The following MYO3A variants were observed in gnomAD, a reference collection of about 807,000 sequenced individuals.
MYO3A encodes myosin-IIIa.
A neutral mutation model predicts 192.7 loss-of-function variants in MYO3A; 180 were observed. The ratio of observed to expected loss-of-function variants is 0.93; its 90% confidence interval spans 0.83 to 1.06. MYO3A has a LOEUF of 1.06. Ranked by LOEUF, MYO3A falls within the 50% of genes least tolerant of loss-of-function variation. The pLI, the probability that MYO3A is intolerant of heterozygous loss-of-function variation, is 0.00. For missense variants in MYO3A, 1,896 were observed against 1,905.0 expected, an observed-to-expected ratio of 1.00 and a Z score of 0.09; for synonymous variants, 628 against 645.3, an observed-to-expected ratio of 0.97 and a Z score of 0.41.
chr10:26,154,506 A>C lies in MYO3A; in HGVS notation c.2716-240A>C, dbSNP rs558853719. Among the ~76,000 whole-genome samples the C allele has an allele frequency of 4.5e-4, 69 of 152,276 alleles. No individual in the cohort carries two copies. The South Asian group carries it at 4.6e-3, about 10-fold the overall frequency. On this transcript the variant is annotated intron_variant, in intron 24 of 34. Coordinates refer to ENST00000642920, the MANE Select transcript of MYO3A (RefSeq NM_017433.5). ...TTTTTTAGCTAGTTTTAAATGTTACACTAAGACCAACTAAAAATGTACTAG... is the reference window on the plus strand; with the variant it reads ...TTTTTTAGCTAGTTTTAAATGTTACCCTAAGACCAACTAAAAATGTACTAG...
intron 10 of MYO3A, among the ~76,000 whole-genome samples, chr10:26,050,032 G>A (rs1018232516): frequency 6.6e-6 from 1 of 151,834 alleles, no homozygotes; most frequent in African/African-American, 2.4e-5. Context: ...GTCATCAGTT[G>A]AGAGTTCTGG....
chr10:25,984,498 C>G (rs2085407675), intron 4 of MYO3A, among the ~76,000 whole-genome samples: 1 of 152,222 alleles, frequency 6.6e-6, no homozygotes, highest in African/African-American at 2.4e-5. Context: ...CCTCCTCCAG[C>G]CTCCCGATAC....
intron 2 of MYO3A, among the ~76,000 whole-genome samples, chr10:25,941,885 TC>T (rs1836513328): frequency 6.6e-6 from 1 of 152,240 alleles, no homozygotes; most frequent in Non-Finnish European, 1.5e-5. Flanking sequence ...CTTATTTTTC[TC>T]AACATAACGT....
chr10:26,040,582 G>T (rs72793953), intron 10 of MYO3A, among the ~76,000 whole-genome samples: 24,714 of 152,004 alleles, frequency 0.16, 2,306 homozygotes, highest in Non-Finnish European at 0.21. Context: ...AAAATAATAA[G>T]AAATGCAAAA....
chr10:26,068,348 A>G (rs1343564940), intron 11 of MYO3A, among the ~76,000 whole-genome samples: 2 of 152,192 alleles, frequency 1.3e-5, no homozygotes, highest in Non-Finnish European at 2.9e-5. Context: ...AGTCTGAAAA[A>G]ATAAAAGGAC....
intron 10 of MYO3A, among the ~76,000 whole-genome samples, chr10:26,046,548 G>A (rs192190877): frequency 7.0e-4 from 106 of 152,280 alleles, no homozygotes; most frequent in Admixed American, 4.9e-3. Context: ...GTTGTGCAAC[G>A]TGGACACGTG....
At chr10:26,027,790 C>T (rs1415106028) in intron 10 of MYO3A, among the ~76,000 whole-genome samples, 1 of 152,150 alleles carries the variant, frequency 6.6e-6, no homozygotes, top group Non-Finnish European at 1.5e-5. Context: ...ATTCCCTTGC[C>T]TGACAATTTA....
In MYO3A at chr10:25,948,518, A is replaced by C. The variant is rs146864004; in HGVS notation, c.-17-3576A>C. ...TGGCTTACATGATCATATAACTAAG[A>C]ACTTATTTATATGTTTTAATTTTAT... On this transcript the variant is annotated intron_variant, in intron 2 of 34. Coordinates refer to ENST00000642920, the MANE Select transcript of MYO3A (RefSeq NM_017433.5). Among the ~76,000 whole-genome samples the C allele has an allele frequency of 4.9e-3, 744 of 152,198 alleles. 6 individuals carry two copies. The highest frequency in any genetic ancestry group is 0.017 in the African/African-American group (705 of 41,548).
chr10:26,164,215 G>A (rs1171534948), intron 26 of MYO3A, among the ~76,000 whole-genome samples: 2 of 152,164 alleles, frequency 1.3e-5, no homozygotes, highest in Non-Finnish European at 2.9e-5. Context: ...GCTAGTGGAA[G>A]AAACAGAATC....
At chr10:25,977,512 T>C in intron 4 of MYO3A, among the ~76,000 whole-genome samples, 1 of 152,166 alleles carries the variant, frequency 6.6e-6, no homozygotes, top group East Asian at 1.9e-4. Flanking sequence ...TAAACCAATA[T>C]ACATTCAAAG....
chr10:25,964,344 TC>T (rs1838132435), intron 4 of MYO3A, among the ~76,000 whole-genome samples: 2 of 152,246 alleles, frequency 1.3e-5, no homozygotes, highest in Admixed American at 6.5e-5. Flanking sequence ...TAGGTGGTAG[TC>T]CCAGTTTTTA....
intron 6 of MYO3A, among the ~76,000 whole-genome samples, chr10:26,016,163 C>G (rs7918334): frequency 0.094 from 14,368 of 152,142 alleles, 1,195 homozygotes; most frequent in African/African-American, 0.21. Flanking sequence ...TAACAAGGTG[C>G]AATTAATGGA....
intron 20 of MYO3A, among the ~76,000 whole-genome samples, chr10:26,139,572 A>AGAGTGC (rs1369938844): frequency 6.6e-6 from 1 of 152,184 alleles, no homozygotes; most frequent in African/African-American, 2.4e-5. Context: ...GTTTATTATT[A>AGAGTGC]GAGTGCAGTT....
intron 26 of MYO3A, among the ~76,000 whole-genome samples, chr10:26,163,607 C>T (rs1841587303): frequency 1.3e-5 from 2 of 152,076 alleles, no homozygotes; most frequent in African/African-American, 2.4e-5. Flanking sequence ...TCTAGCTCAC[C>T]TTTTAAAAAG....
chr10:26,055,768 A>G (rs952038725), intron 10 of MYO3A, among the ~76,000 whole-genome samples: 4 of 152,218 alleles, frequency 2.6e-5, no homozygotes, highest in African/African-American at 9.6e-5. Flanking sequence ...GTAGAGAAGG[A>G]GGAGACTGAG....
At chr10:26,148,018 C>T (rs1015821144) in intron 23 of MYO3A, among the ~76,000 whole-genome samples, 2 of 152,150 alleles carry the variant, frequency 1.3e-5, no homozygotes, top group African/African-American at 4.8e-5. Context: ...TTTTTCTTTA[C>T]TGGAGTTTAA....
Position 26,067,071 on chromosome 10 carries a change from T to G in MYO3A, c.1050T>G (p.Asp350Glu), listed in dbSNP as rs767220894. 2 of 1,593,374 alleles carry G rather than the reference T, an allele frequency of 1.3e-6. No homozygotes were observed. Among genetic ancestry groups the G allele is most frequent in the Middle Eastern group, 1.7e-4 (1 of 6,022 alleles). ...VDDLATLEILDENTVSEQLEK... is the reference protein window; with the variant it reads ...VDDLATLEILEENTVSEQLEK... ...ATTTAGCAACCCTAGAAATTTTGGA[T>G]GAGGTAAGAATTTCAGTTTAATTAA... Residue 350 changes from aspartate (D) to glutamate (E), a missense_variant, in exon 11 of 35, where the codon GAT becomes GAG. Coordinates refer to ENST00000642920, the MANE Select transcript of MYO3A (RefSeq NM_017433.5).
intron 3 of MYO3A, among the ~76,000 whole-genome samples, chr10:25,953,743 CT>C (rs545954075): frequency 2.8e-4 from 43 of 152,186 alleles, no homozygotes; most frequent in African/African-American, 9.4e-4. Flanking sequence ...TAAGTCCCCC[CT>C]ATTTAGTATA....
chr10:26,124,718 A>G (rs1392686963), intron 18 of MYO3A, among the ~76,000 whole-genome samples: 2 of 152,198 alleles, frequency 1.3e-5, no homozygotes, highest in Non-Finnish European at 2.9e-5. Context: ...TATATTCAAA[A>G]ATGAGTTTTG....
Sources: allele counts gnomAD v4.1 joint callset (sites outside exome capture counted in the v4.1 genomes callset), GRCh38; gene constraint gnomAD v4.1.1; transcripts MANE v1.5; gene names NCBI Gene and HGNC (gene_info 2026-07-23, HGNC 2026-07-21).